Variants in PHGDH observed in about 807,000 individuals in gnomAD.
PHGDH encodes the protein D-3-phosphoglycerate dehydrogenase.
A neutral mutation model predicts 52.6 loss-of-function variants in PHGDH; 50 were observed. That is an observed-to-expected ratio of 0.95 (90% CI 0.76 to 1.20). The LOEUF (loss-of-function observed/expected upper bound fraction) is 1.20. Ranked by LOEUF, PHGDH falls within the 50% of genes most tolerant of loss-of-function variation. The pLI, the probability that PHGDH is intolerant of heterozygous loss-of-function variation, is 0.00. For synonymous variants in PHGDH, 271 were observed against 280.5 expected (o/e 0.97, Z 0.34); for missense variants, 630 against 684.6 (o/e 0.92, Z 0.89).
intron 5 of PHGDH, among the ~76,000 whole-genome samples, chr1:119,728,097 C>T (rs1651527000): frequency 6.6e-6 from 1 of 152,090 alleles, no homozygotes; most frequent in Admixed American, 6.5e-5. Context: ...AGTTTGAGGA[C>T]AGGAAAAATC....
chr1:119,743,544 G>A (rs1157549514), intron 11 of PHGDH, among the ~76,000 whole-genome samples: 1 of 152,242 alleles, frequency 6.6e-6, no homozygotes. Context: ...ATGTTTGGCG[G>A]AGGGTGTGCC....
intron 3 of PHGDH, chr1:119,724,488 T>C (rs1651310112): frequency 3.0e-6 from 1 of 335,034 alleles, no homozygotes; most frequent in Non-Finnish European, 5.8e-6. Context: ...AAGGAGGCAG[T>C]GGGGGGAAAG....
chr1:119,718,900 T>C (rs1651037314), intron 1 of PHGDH, among the ~76,000 whole-genome samples: 1 of 152,182 alleles, frequency 6.6e-6, no homozygotes, highest in Non-Finnish European at 1.5e-5. Context: ...ACATATTATA[T>C]TGGTGATCAC....
chr1:119,735,875 T>C (rs1034884107), intron 7 of PHGDH, among the ~76,000 whole-genome samples: 3 of 152,222 alleles, frequency 2.0e-5, no homozygotes, highest in African/African-American at 7.2e-5. Flanking sequence ...TTTTCCCTTC[T>C]TCTCTTGCTG....
chr1:119,735,619 T>G (rs1002611721), intron 7 of PHGDH, among the ~76,000 whole-genome samples, 176 bp downstream of exon 7: 1 of 152,230 alleles, frequency 6.6e-6, no homozygotes, highest in Non-Finnish European at 1.5e-5. Flanking sequence ...GAGGAGTCCT[T>G]GCGGAGCCTG....
intron 5 of PHGDH, among the ~76,000 whole-genome samples, chr1:119,731,611 A>G (rs1651695453): frequency 6.6e-6 from 1 of 152,186 alleles, no homozygotes; most frequent in South Asian, 2.1e-4. Flanking sequence ...CTGTGCTTGA[A>G]ATGACTCTGC....
At position 119,740,389 on chromosome 1, in the gene PHGDH, A is replaced by T. The variant is rs1652141415; in HGVS notation, c.949A>T (p.Asn317Tyr). 2 of 1,614,188 alleles carry T rather than the reference A, an allele frequency of 1.2e-6. No homozygotes were observed. Among genetic ancestry groups the T allele is most frequent in the East Asian group, 4.5e-5 (2 of 44,888 alleles). ...VKGKSLTGVV[N>Y]AQALTSAFSP... ...CCCGCTCCTCCATCCTCTGCAGGTG[A>T]ATGCCCAGGCCCTTACCAGTGCCTT... The change falls in exon 9 of 12, where the codon AAT becomes TAT. Residue 317 changes from asparagine (N) to tyrosine (Y), a missense_variant. Asn to Tyr is a moderately radical substitution (Grantham distance 143, BLOSUM62 -2). Coordinates refer to ENST00000641023, the MANE Select transcript of PHGDH (RefSeq NM_006623.4).
At chr1:119,743,319 C>G (rs1446745011) in intron 11 of PHGDH, among the ~76,000 whole-genome samples, 1 of 152,188 alleles carries the variant, frequency 6.6e-6, no homozygotes, top group East Asian at 1.9e-4. Context: ...CCTCAGCTTG[C>G]CATGTTAGGT....
chr1:119,743,069 C>A, intron 11 of PHGDH, 25 bp downstream of exon 11: 1 of 1,482,816 alleles, frequency 6.7e-7, no homozygotes, highest in Non-Finnish European at 9.4e-7. Context: ...GTAGGGCTGG[C>A]TGGTGTCCTT....
chr1:119,723,249 C>T (rs1292828148), intron 2 of PHGDH, 127 bp from the exon 3 acceptor site: 1 of 792,450 alleles, frequency 1.3e-6, no homozygotes, highest in African/African-American at 1.7e-5. Context: ...GAACTCTGGA[C>T]AGTGGCGTGG....
intron 3 of PHGDH, among the ~76,000 whole-genome samples, chr1:119,725,138 T>A (rs1403434040): frequency 1.3e-5 from 2 of 152,174 alleles, no homozygotes; most frequent in East Asian, 3.9e-4. Context: ...TTTCACCATT[T>A]TTGCCTGCTT....
At chr1:119,740,278 T>TA in intron 8 of PHGDH, 108 bp from the exon 9 acceptor site, 1 of 1,143,180 alleles carries the variant, frequency 8.7e-7, no homozygotes, top group South Asian at 1.3e-5. Context: ...AAGGCAGGAG[T>TA]GACCCTATAC....
intron 9 of PHGDH, among the ~76,000 whole-genome samples, chr1:119,741,369 C>T (rs587682295): frequency 6.6e-5 from 10 of 152,252 alleles, no homozygotes; most frequent in East Asian, 3.9e-4. Context: ...GCAGTTGCTT[C>T]GGTTACTTCT....
intron 1 of PHGDH, among the ~76,000 whole-genome samples, chr1:119,718,422 C>A (rs1234939149): frequency 5.9e-5 from 9 of 152,210 alleles, no homozygotes; most frequent in Non-Finnish European, 1.3e-4. Flanking sequence ...GCTATTGTTA[C>A]TAGTAAATCT....
chr1:119,730,972 A>G (rs1651664604), intron 5 of PHGDH, among the ~76,000 whole-genome samples: 1 of 152,226 alleles, frequency 6.6e-6, no homozygotes, highest in Non-Finnish European at 1.5e-5. Flanking sequence ...TATGAAGGCT[A>G]GAATGGTTGG....
At chr1:119,735,922 T>G (rs1469381808) in intron 7 of PHGDH, among the ~76,000 whole-genome samples, 1 of 152,150 alleles carries the variant, frequency 6.6e-6, no homozygotes, top group African/African-American at 2.4e-5. Context: ...CAGTATTCCC[T>G]CAGGGTCCTC....
chr1:119,735,479 G>A (rs368090999), intron 7 of PHGDH, 36 bp downstream of exon 7: 32 of 1,598,216 alleles, frequency 2.0e-5, no homozygotes, highest in Non-Finnish European at 2.6e-5. Context: ...AGGAGGACGG[G>A]AGAGATAGGG....
chr1:119,740,512 A>G lies in PHGDH; in HGVS notation c.1072A>G (p.Thr358Ala). 1 of 1,573,110 alleles carries G rather than the reference A, an allele frequency of 6.4e-7. No homozygotes were observed. The highest frequency in any genetic ancestry group is 8.6e-7 in the Non-Finnish European group (1 of 1,158,414). The change falls in exon 9 of 12, where the codon ACA (threonine) becomes GCA (alanine). Residue 358 changes from threonine to alanine, a missense_variant. Physicochemically the swap from Thr to Ala is moderately conservative, Grantham distance 58. Transcript: ENST00000641023. ...CCCCAAAGGGACCATCCAGGTGATA[A>G]CACAGGGTGAGCTGGGGACCTTGCA... ...GSPKGTIQVI[T>A]QGTSLKNAGN...
At chr1:119,735,496 G>A (rs1651891543) in intron 7 of PHGDH, 53 bp downstream of exon 7, 1 of 1,558,874 alleles carries the variant, frequency 6.4e-7, no homozygotes, top group South Asian at 1.1e-5. Context: ...AGGGAGCAGA[G>A]AGGCCCATGG....
Sources: gnomAD v4.1 joint callset for allele counts (sites outside exome capture counted in the v4.1 genomes callset) on GRCh38, gnomAD v4.1.1 for gene constraint, MANE v1.5 for transcripts, NCBI Gene and HGNC (gene_info 2026-07-23, HGNC 2026-07-21) for gene names.